ERG: variants seen among roughly 807,000 people sequenced by gnomAD.
ERG encodes ETS transcription factor ERG.
A neutral mutation model predicts 55.3 loss-of-function variants in ERG; 9 were observed. That is an observed-to-expected ratio of 0.16 (90% CI 0.10 to 0.28). ERG has a LOEUF of 0.28. ERG is among the 10% of genes least tolerant of loss of function. ERG has a pLI of 1.00. For missense variants in ERG, 434 were observed against 631.6 expected, an observed-to-expected ratio of 0.69 and a Z score of 3.35; for synonymous variants, 223 against 237.3, an observed-to-expected ratio of 0.94 and a Z score of 0.55.
the ERG span, among the ~76,000 whole-genome samples, chr21:38,372,790 C>A: frequency 6.6e-6 from 1 of 151,320 alleles, no homozygotes; most frequent in South Asian, 2.1e-4. Flanking sequence ...GTACTCTAAC[C>A]CCATTAAGTC....
At chr21:38,453,898 AG>A (rs372492645) in intron 1 of ERG, among the ~76,000 whole-genome samples, 62 of 129,680 alleles carry the variant, frequency 4.8e-4, no homozygotes, top group Middle Eastern at 4.1e-3. Context: ...AAAAAAAAAA[AG>A]AAGAAGAAGA....
intron 1 of ERG, among the ~76,000 whole-genome samples, chr21:38,624,297 G>A (rs1470100204): frequency 2.0e-5 from 3 of 151,648 alleles, no homozygotes; most frequent in African/African-American, 7.3e-5. Flanking sequence ...TCGGGGGTGG[G>A]TGGGGGACAA....
intron 1 of ERG, among the ~76,000 whole-genome samples, chr21:38,495,459 T>C (rs1397948509): frequency 2.6e-5 from 4 of 152,238 alleles, no homozygotes; most frequent in African/African-American, 7.2e-5. Context: ...TTTAAGATGC[T>C]TTCCCCTGAT....
Position 38,498,477 on chromosome 21 carries a change from T to C in ERG, c.-97A>G, listed in dbSNP as rs1168490207. ...TTTTGATGAGGTTGTTTAGAGCGGA[T>C]GAGATTGTGCTAAGTCTGGGAAATG... On this transcript the variant is annotated 5_prime_UTR_variant, in exon 1 of 10. Coordinates refer to ENST00000288319, the MANE Select transcript of ERG (RefSeq NM_182918.4). This position sits in a 1 kb window ranked among gnomAD's most constrained non-coding sequence, Gnocchi z 4.6. 1.3e-5 allele frequency: 20 copies of C among 1,536,280 alleles called. No homozygotes were observed. The South Asian group carries it at 1.6e-4, about 13-fold the overall frequency.
At chr21:38,548,413 T>C (rs992612264) in intron 2 of ERG, among the ~76,000 whole-genome samples, 17 of 152,172 alleles carry the variant, frequency 1.1e-4, no homozygotes, top group Non-Finnish European at 1.9e-4. Context: ...AAGATCCTTA[T>C]AGTTTTCCTC....
At position 38,604,015 on chromosome 21, in the gene ERG, G is replaced by A. The variant is rs529580784; in HGVS notation, c.-149-19070C>T. On this transcript the variant is annotated intron_variant, in intron 1 of 10. Transcript: ENST00000398910. ...TGTAATCCCAGCCCTTCAGGGGGCC[G>A]AGGCGGGCGGATCATGAGGTCAGGA... is the stretch of plus-strand genomic sequence containing the variant. Among the ~76,000 whole-genome samples the A allele has an allele frequency of 7.9e-5, 12 of 152,138 alleles. 1 individual carries two copies. In the South Asian group the frequency reaches 8.3e-4, roughly 11 times the overall value.
At chr21:38,620,994 G>C (rs1411741932) in intron 1 of ERG, among the ~76,000 whole-genome samples, 1 of 152,226 alleles carries the variant, frequency 6.6e-6, no homozygotes, top group East Asian at 1.9e-4. Context: ...AGCATTTATT[G>C]AGAGAACTCG....
chr21:38,478,210 C>T (rs1482481071), intron 1 of ERG, among the ~76,000 whole-genome samples: 8 of 152,198 alleles, frequency 5.3e-5, no homozygotes, highest in Admixed American at 5.2e-4. Flanking sequence ...TACTACTGTA[C>T]CCTGGGACAA....
intron 2 of ERG, among the ~76,000 whole-genome samples, chr21:38,432,012 A>G (rs1990236588): frequency 6.6e-6 from 1 of 152,228 alleles, no homozygotes; most frequent in Admixed American, 6.5e-5. Context: ...AAAAACGTGT[A>G]ATTAAAAAAG....
chr21:38,417,122 G>A (rs1023338438), intron 3 of ERG, among the ~76,000 whole-genome samples: 11 of 152,142 alleles, frequency 7.2e-5, no homozygotes, highest in African/African-American at 1.9e-4. Context: ...GACAGCCTTC[G>A]GTCATCTCCT....
At chr21:38,379,121 A>T (rs1034524228), downstream of ERG, among the ~76,000 whole-genome samples, 1 of 152,156 alleles carries the variant, frequency 6.6e-6, no homozygotes, top group African/African-American at 2.4e-5. Context: ...TGGAGGTCCT[A>T]ACACCTTCAA....
At chr21:38,622,848 T>C (rs2060300582) in intron 1 of ERG, among the ~76,000 whole-genome samples, 1 of 138,576 alleles carries the variant, frequency 7.2e-6, no homozygotes, top group Non-Finnish European at 1.5e-5. Flanking sequence ...TGCTCATACA[T>C]TCCACACACC....
chr21:38,596,839 C>CA, intron 1 of ERG, among the ~76,000 whole-genome samples: 1 of 152,170 alleles, frequency 6.6e-6, no homozygotes, highest in South Asian at 2.1e-4. Context: ...AGAGGTTCCC[C>CA]ACAGTGGTGT....
chr21:38,442,136 T>C (rs2058847050), intron 2 of ERG, among the ~76,000 whole-genome samples: 1 of 152,192 alleles, frequency 6.6e-6, no homozygotes, highest in Non-Finnish European at 1.5e-5. Flanking sequence ...CCGGGCGCGG[T>C]GGCTAACACC....
At chr21:38,575,571 A>G (rs1446390240) in intron 2 of ERG, 1 of 902,150 alleles carries the variant, frequency 1.1e-6, no homozygotes, top group Non-Finnish European at 1.9e-6. Flanking sequence ...GTGTTGACTG[A>G]CCCCTAATTA....
chr21:38,449,844 G>C, intron 1 of ERG, among the ~76,000 whole-genome samples: 1 of 152,174 alleles, frequency 6.6e-6, no homozygotes, highest in East Asian at 1.9e-4. Context: ...GAGTGGTAAA[G>C]TGTTGAAACT....
intron 3 of ERG, among the ~76,000 whole-genome samples, chr21:38,405,609 A>C (rs1239786153): frequency 6.6e-6 from 1 of 152,146 alleles, no homozygotes; most frequent in Non-Finnish European, 1.5e-5. Flanking sequence ...GGGCCTCACT[A>C]TTCCAAGCGT....
chr21:38,481,423 A>G (rs970706584), intron 1 of ERG, among the ~76,000 whole-genome samples: 1 of 152,234 alleles, frequency 6.6e-6, no homozygotes, highest in Non-Finnish European at 1.5e-5. Flanking sequence ...TCAAGATAAT[A>G]GAATACTTCA....
chr21:38,620,439 G>A (rs1440207540), intron 1 of ERG, among the ~76,000 whole-genome samples: 1 of 152,178 alleles, frequency 6.6e-6, no homozygotes, highest in Admixed American at 6.5e-5. Context: ...CAGCCAGCTC[G>A]TCTGCTTAGG....
Sources: gnomAD v4.1 joint callset for allele counts (sites outside exome capture counted in the v4.1 genomes callset) on GRCh38, gnomAD v4.1.1 for gene constraint, Gnocchi (gnomAD v3.1) non-coding constraint, MANE v1.5 for transcripts, NCBI Gene and HGNC (gene_info 2026-07-23, HGNC 2026-07-21) for gene names.